The following FTO variants were observed in gnomAD, a reference collection of about 807,000 sequenced individuals.
FTO encodes the protein FTO alpha-ketoglutarate dependent dioxygenase.
A neutral mutation model predicts 63.9 loss-of-function variants in FTO; 47 were observed. The ratio of observed to expected loss-of-function variants is 0.74; its 90% CI spans 0.58 to 0.94. The LOEUF is 0.94. FTO is among the 40% of genes least tolerant of loss of function. The pLI is 0.00. For synonymous variants in FTO, 207 were observed against 224.4 expected, an observed-to-expected ratio of 0.92 and a Z score of 0.69; for missense variants, 562 against 618.1, an observed-to-expected ratio of 0.91 and a Z score of 0.96.
chr16:53,865,307 T>C (rs1303999525), intron 4 of FTO, among the ~76,000 whole-genome samples: 5 of 152,180 alleles, frequency 3.3e-5, no homozygotes, highest in Non-Finnish European at 7.3e-5. Flanking sequence ...TGCTCAGGAA[T>C]GTCCTCAGAG....
At chr16:53,791,677 G>A (rs1230081620) in intron 1 of FTO, among the ~76,000 whole-genome samples, 1 of 152,128 alleles carries the variant, frequency 6.6e-6, no homozygotes, top group African/African-American at 2.4e-5. Context: ...AATTGCAAGA[G>A]GAAACTTGAG....
At chr16:53,855,296 T>A (rs938429529) in intron 4 of FTO, among the ~76,000 whole-genome samples, 1 of 152,172 alleles carries the variant, frequency 6.6e-6, no homozygotes, top group African/African-American at 2.4e-5. Flanking sequence ...CTTTGCCTGG[T>A]TGCTCTGGCT....
intron 8 of FTO, among the ~76,000 whole-genome samples, chr16:53,946,656 C>G (rs1426032790): frequency 2.6e-5 from 4 of 152,200 alleles, no homozygotes; most frequent in African/African-American, 7.2e-5. Flanking sequence ...TTATGTAGGG[C>G]CTGGTCTGAA....
At position 54,121,406 on chromosome 16, in the gene FTO, A is replaced by C. The variant is rs2087004251; in HGVS notation, c.*9491A>C. ...TGGAAAAAGAGCGATGCTATTAAGG[A>C]GGAAAATGGAGCCAGGAGCAAAACC... On this transcript the variant is annotated 3_prime_UTR_variant, in exon 9 of 9. Transcript: ENST00000471389. 1 of 152,234 alleles carries C rather than the reference A, an allele frequency of 6.6e-6. No individual in the cohort carries two copies. The highest frequency in any genetic ancestry group is 1.5e-5 in the Non-Finnish European group (1 of 68,060). 9.4% of individuals were successfully genotyped at this position (152,234 alleles called of 1,614,324 possible).
At chr16:54,108,983 C>T (rs2086817118) in intron 8 of FTO, among the ~76,000 whole-genome samples, 1 of 152,180 alleles carries the variant, frequency 6.6e-6, no homozygotes, top group Admixed American at 6.5e-5. Context: ...GATGTGCCTT[C>T]CAGTAATTCC....
intron 8 of FTO, among the ~76,000 whole-genome samples, chr16:53,943,637 A>C (rs1397619366): frequency 6.6e-6 from 1 of 152,234 alleles, no homozygotes; most frequent in Non-Finnish European, 1.5e-5. Flanking sequence ...CGGAACTCTG[A>C]AAATTTCTTT....
At chr16:53,855,860 A>G (rs1214657445) in intron 4 of FTO, among the ~76,000 whole-genome samples, 1 of 152,204 alleles carries the variant, frequency 6.6e-6, no homozygotes, top group Non-Finnish European at 1.5e-5. Context: ...TAAGAAAACC[A>G]TCAAAGATAA....
intron 1 of FTO, among the ~76,000 whole-genome samples, chr16:53,752,996 C>T (rs960751327): frequency 1.3e-5 from 2 of 150,574 alleles, no homozygotes; most frequent in African/African-American, 4.9e-5. Flanking sequence ...ATAGGTGGCT[C>T]ATGCCTGTAG....
At chr16:53,759,147 A>G (rs944038240) in intron 1 of FTO, among the ~76,000 whole-genome samples, 1 of 152,188 alleles carries the variant, frequency 6.6e-6, no homozygotes, top group South Asian at 2.1e-4. Context: ...CCATTATACA[A>G]CCTTAAAGAA....
chr16:53,928,090 G>A (rs561844562), intron 7 of FTO, among the ~76,000 whole-genome samples: 6 of 152,248 alleles, frequency 3.9e-5, no homozygotes, highest in South Asian at 2.1e-4. Context: ...TTGGAGTTAT[G>A]GGAAAGACCC....
chr16:53,773,474 C>T (rs760186051), intron 1 of FTO, among the ~76,000 whole-genome samples: 1 of 152,106 alleles, frequency 6.6e-6, no homozygotes, highest in Non-Finnish European at 1.5e-5. Flanking sequence ...CCACCCTAGG[C>T]AGCTACTTAA....
intron 4 of FTO, among the ~76,000 whole-genome samples, chr16:53,857,041 C>G (rs1021667920): frequency 6.6e-6 from 1 of 151,554 alleles, no homozygotes; most frequent in Non-Finnish European, 1.5e-5. Context: ...CAACTTTTTC[C>G]CCTGTTGACT....
intron 6 of FTO, among the ~76,000 whole-genome samples, chr16:53,880,444 C>T (rs1462229153): frequency 6.6e-6 from 1 of 152,160 alleles, no homozygotes; most frequent in African/African-American, 2.4e-5. Context: ...TAGCAGTCAC[C>T]AGAGTCTCCG....
At chr16:53,746,763 C>G (rs1450025165) in intron 1 of FTO, among the ~76,000 whole-genome samples, 1 of 152,118 alleles carries the variant, frequency 6.6e-6, no homozygotes, top group African/African-American at 2.4e-5. Flanking sequence ...CTATATTCAT[C>G]ACACTGCAGT....
chr16:53,946,579 T>C (rs2082654999), intron 8 of FTO, among the ~76,000 whole-genome samples: 1 of 152,232 alleles, frequency 6.6e-6, no homozygotes, highest in Non-Finnish European at 1.5e-5. Context: ...CTTTTTATTC[T>C]TATATTTTTT....
chr16:53,789,125 C>G (rs967522124), intron 1 of FTO, among the ~76,000 whole-genome samples: 1 of 152,072 alleles, frequency 6.6e-6, no homozygotes, highest in Non-Finnish European at 1.5e-5. Context: ...GATTTTTCAG[C>G]CTGGATTGAA....
chr16:53,782,365 A>G (rs999711465), intron 1 of FTO, among the ~76,000 whole-genome samples: 7 of 152,212 alleles, frequency 4.6e-5, no homozygotes, highest in African/African-American at 1.4e-4. Context: ...GTGGCAATCA[A>G]TATCTGAGCC....
intron 3 of FTO, among the ~76,000 whole-genome samples, chr16:53,828,070 C>T (rs192496281): frequency 2.6e-3 from 391 of 152,196 alleles, no homozygotes; most frequent in Non-Finnish European, 4.3e-3. Context: ...ATTTAAATGT[C>T]TAATGAATAG....
intron 8 of FTO, among the ~76,000 whole-genome samples, chr16:54,020,770 G>A (rs72809646): frequency 0.13 from 19,616 of 151,546 alleles, 1,619 homozygotes; most frequent in Admixed American, 0.27. Flanking sequence ...TCAGGAGTTC[G>A]AGTCCAGCCT....
Sources: allele counts gnomAD v4.1 joint callset (sites outside exome capture counted in the v4.1 genomes callset), GRCh38; gene constraint gnomAD v4.1.1; transcripts MANE v1.5; gene names NCBI Gene and HGNC (gene_info 2026-07-23, HGNC 2026-07-21).